Variants in ARHGEF28 observed in about 807,000 individuals in gnomAD.
The protein encoded by ARHGEF28 is 190 kDa guanine nucleotide exchange factor.
A neutral mutation model predicts 206.6 loss-of-function variants in ARHGEF28; 152 were observed. That is an observed-to-expected ratio of 0.74 (90% CI 0.64 to 0.84). The LOEUF is 0.84. ARHGEF28 is among the 40% of genes least tolerant of loss of function. The pLI is 0.00. For missense variants in ARHGEF28, 2,028 were observed against 2,073.2 expected (o/e 0.98, Z 0.42); for synonymous variants, 763 against 776.4 (o/e 0.98, Z 0.29).
intron 4 of ARHGEF28, among the ~76,000 whole-genome samples, chr5:73,763,561 T>C (rs1752728973): frequency 6.6e-6 from 1 of 152,138 alleles, no homozygotes; most frequent in Non-Finnish European, 1.5e-5. Context: ...TTTTCATTTG[T>C]CTCCCAAACA....
chr5:73,868,111 C>G lies in ARHGEF28; in HGVS notation c.2309C>G (p.Ser770Ter), dbSNP rs769210094. Residue 770 changes from serine (S) to a stop codon, truncating the protein, a stop_gained, in exon 20 of 36, where the codon TCA (serine) becomes TGA (stop). Coordinates refer to ENST00000513042, the MANE Select transcript of ARHGEF28 (RefSeq NM_001177693.2). LOFTEE classifies it high-confidence loss of function. ...PGTTLESFRRSATSLESESDH... is the reference protein window; with the variant it reads ...PGTTLESFRR The stretch of plus-strand genomic sequence containing the variant: ...TCCCTCTCTCCTAGCTTCAGGAGGT[C>G]AGCCACATCCTTGGAGTCTGAGAGT... 1 of 1,612,012 alleles carries G rather than the reference C, an allele frequency of 6.2e-7. No individual in the cohort carries two copies. The highest frequency in any genetic ancestry group is 1.1e-5 in the South Asian group (1 of 90,542).
Position 73,894,593 on chromosome 5 carries a change from G to A in ARHGEF28, c.3841+18G>A. The A allele has an allele frequency of 1.2e-6, 2 of 1,611,220 alleles. No homozygotes were observed. The highest frequency in any genetic ancestry group is 1.7e-6 in the Non-Finnish European group (2 of 1,178,862). Reference sequence around the variant, plus strand: ...GAAAGAAGGTAAACTGCTGTGAGAAGGGTTTGGGTCGACACGTTCAGAAAA... The same window carrying A: ...GAAAGAAGGTAAACTGCTGTGAGAAAGGTTTGGGTCGACACGTTCAGAAAA... On this transcript the variant is annotated intron_variant, in intron 29 of 35. Coordinates refer to ENST00000513042, the MANE Select transcript of ARHGEF28 (RefSeq NM_001177693.2).
chr5:73,646,403 C>CA (rs1288519661), intron 1 of ARHGEF28, among the ~76,000 whole-genome samples: 1 of 152,076 alleles, frequency 6.6e-6, no homozygotes. Context: ...TATTCCTACA[C>CA]AAAAAAAGTT....
At chr5:73,881,461 A>G (rs1311809729) in intron 22 of ARHGEF28, among the ~76,000 whole-genome samples, 2 of 152,154 alleles carry the variant, frequency 1.3e-5, no homozygotes, top group Non-Finnish European at 2.9e-5. Flanking sequence ...GATTTTTGTC[A>G]TCTTTCACTG....
intron 4 of ARHGEF28, among the ~76,000 whole-genome samples, chr5:73,773,595 T>A (rs1753358014): frequency 6.6e-6 from 1 of 152,180 alleles, no homozygotes; most frequent in Admixed American, 6.5e-5. Flanking sequence ...ATGACGTGAA[T>A]GTGTAGTGCA....
intron 9 of ARHGEF28, among the ~76,000 whole-genome samples, chr5:73,800,904 C>T (rs537478238): frequency 1.0e-3 from 159 of 152,196 alleles, no homozygotes; most frequent in African/African-American, 3.5e-3. Flanking sequence ...TTAGGTGGTA[C>T]GTAATACAGG....
chr5:73,662,289 A>T (rs1220107021), intron 1 of ARHGEF28, among the ~76,000 whole-genome samples: 8 of 152,220 alleles, frequency 5.3e-5, no homozygotes, highest in Admixed American at 5.2e-4. Context: ...AAACACATTG[A>T]TATGGGAGAG....
intron 1 of ARHGEF28, among the ~76,000 whole-genome samples, chr5:73,636,615 G>T (rs763433525): frequency 5.4e-4 from 78 of 145,296 alleles, no homozygotes; most frequent in Non-Finnish European, 9.9e-4. Context: ...CATCATAGTG[G>T]GGTAGTAGAG....
chr5:73,909,295 A>G, intron 33 of ARHGEF28, 117 bp from the exon 34 acceptor site: 1 of 1,425,628 alleles, frequency 7.0e-7, no homozygotes, highest in South Asian at 1.5e-5. Flanking sequence ...GGCCAGAAAT[A>G]TTAAGAGAAG....
At chr5:73,658,734 G>T (rs770711852) in intron 1 of ARHGEF28, among the ~76,000 whole-genome samples, 9 of 152,132 alleles carry the variant, frequency 5.9e-5, no homozygotes, top group Non-Finnish European at 1.2e-4. Context: ...TCATGACAGA[G>T]AATTGTACAG....
intron 4 of ARHGEF28, among the ~76,000 whole-genome samples, chr5:73,758,315 T>G (rs1752421221): frequency 1.3e-5 from 2 of 152,220 alleles, no homozygotes; most frequent in South Asian, 4.1e-4. Context: ...TAAAGAATAT[T>G]TCTCACATAT....
intron 35 of ARHGEF28, among the ~76,000 whole-genome samples, chr5:73,927,193 A>G (rs1763863625): frequency 6.7e-6 from 1 of 150,036 alleles, no homozygotes; most frequent in South Asian, 2.1e-4. Context: ...AGAGCCCATC[A>G]CTAAAAAAAA....
At chr5:73,797,026 G>A (rs1310998012) in intron 9 of ARHGEF28, among the ~76,000 whole-genome samples, 2 of 152,210 alleles carry the variant, frequency 1.3e-5, no homozygotes, top group Admixed American at 6.5e-5. Context: ...TTTCAAACTT[G>A]TAAACTTGTG....
intron 1 of ARHGEF28, among the ~76,000 whole-genome samples, chr5:73,662,415 A>AT (rs1197370523): frequency 6.6e-6 from 1 of 152,202 alleles, no homozygotes; most frequent in Non-Finnish European, 1.5e-5. Flanking sequence ...CAAGCATGGC[A>AT]TTTTTTGGAG....
intron 1 of ARHGEF28, among the ~76,000 whole-genome samples, chr5:73,655,332 T>G (rs536361561): frequency 6.6e-6 from 1 of 152,352 alleles, no homozygotes; most frequent in African/African-American, 2.4e-5. Context: ...TTGGTAGTTT[T>G]TAATGATTTT....
At chr5:73,843,964 T>A (rs1205243182) in intron 11 of ARHGEF28, among the ~76,000 whole-genome samples, 1 of 152,184 alleles carries the variant, frequency 6.6e-6, no homozygotes, top group East Asian at 1.9e-4. Context: ...TGCAACATAT[T>A]CTGATATTTT....
chr5:73,728,889 G>A lies in ARHGEF28; in HGVS notation c.34-20948G>A, dbSNP rs148695209. 1.7e-3 allele frequency among the ~76,000 whole-genome samples: 266 copies of A among 152,286 alleles called. 4 individuals are homozygous for A. In the East Asian group the frequency reaches 0.041, roughly 24 times the overall value. ...GAAACAAAGGAAGACTACGGTGCTG[G>A]CATTAAAATGTGAGCTTTATAGCAG... On this transcript the variant is annotated intron_variant, in intron 2 of 35. Coordinates refer to ENST00000513042, the MANE Select transcript of ARHGEF28 (RefSeq NM_001177693.2).
chr5:73,921,360 A>G (rs749034121), intron 35 of ARHGEF28, among the ~76,000 whole-genome samples: 1 of 152,208 alleles, frequency 6.6e-6, no homozygotes, highest in South Asian at 2.1e-4. Context: ...CTTTGACCAG[A>G]TGATAAATAA....
chr5:73,753,176 C>G lies in ARHGEF28; in HGVS notation c.449C>G (p.Thr150Ser), dbSNP rs146980303. Residue 150 changes from threonine (T) to serine (S), a missense_variant, in exon 4 of 36, where the codon ACT becomes AGT. This residue lies in a region of ARHGEF28 where 1,002 missense variants were observed against 1,015.3 expected (regional missense o/e 0.99). Coordinates refer to ENST00000513042, the MANE Select transcript of ARHGEF28 (RefSeq NM_001177693.2). ...CATCTGGAATTGCCTCTAGAGTGGA[C>G]TGTGTTGGGAAGTTCTTCACTTGAA... ...LTHLELPLEWTVLGSSSLEVS... is the reference protein window; with the variant it reads ...LTHLELPLEWSVLGSSSLEVS... 244 of 1,534,886 alleles carry G rather than the reference C, an allele frequency of 1.6e-4. 2 individuals carry two copies. In the East Asian group the frequency reaches 5.5e-3, roughly 34 times the overall value.
Sources: allele counts gnomAD v4.1 joint callset (sites outside exome capture counted in the v4.1 genomes callset), GRCh38; gene constraint gnomAD v4.1.1; regional missense constraint gnomAD v4.1.1; transcripts MANE v1.5; gene names NCBI Gene and HGNC (gene_info 2026-07-23, HGNC 2026-07-21).